The following TRAF3IP1 variants were observed in gnomAD, a reference collection of about 807,000 sequenced individuals.
TRAF3IP1 encodes TRAF3-interacting protein 1.
A neutral mutation model predicts 89.9 loss-of-function variants in TRAF3IP1; 53 were observed. That is an observed-to-expected ratio of 0.59 (90% CI 0.47 to 0.74). TRAF3IP1 has a LOEUF of 0.74. TRAF3IP1 is among the 30% of genes least tolerant of loss of function. The pLI, the probability that TRAF3IP1 is intolerant of heterozygous loss-of-function variation, is 0.00. For missense variants in TRAF3IP1, 806 were observed against 866.1 expected (o/e 0.93, Z 0.87); for synonymous variants, 311 against 322.1 (o/e 0.97, Z 0.37).
At chr2:238,361,126 A>C (rs986377614) in intron 15 of TRAF3IP1, among the ~76,000 whole-genome samples, 91 of 150,802 alleles carry the variant, frequency 6.0e-4, no homozygotes, top group Middle Eastern at 6.8e-3. Context: ...GGCTCACTGC[A>C]ACCTCTGCCT....
chr2:238,344,370 T>C (rs1211743341), intron 8 of TRAF3IP1, 127 bp from the exon 9 acceptor site: 4 of 743,074 alleles, frequency 5.4e-6, no homozygotes, highest in South Asian at 1.8e-5. Context: ...GGTCAGTCCT[T>C]TGTCAGTCCT....
chr2:238,364,046 A>G (rs962791978), intron 15 of TRAF3IP1, among the ~76,000 whole-genome samples: 6 of 152,254 alleles, frequency 3.9e-5, no homozygotes, highest in Admixed American at 3.9e-4. Flanking sequence ...ACATGTTATC[A>G]TAATAATTGC....
chr2:238,363,421 A>G (rs966537921), intron 15 of TRAF3IP1, among the ~76,000 whole-genome samples: 1 of 152,212 alleles, frequency 6.6e-6, no homozygotes, highest in Non-Finnish European at 1.5e-5. Context: ...CTTTGTTACA[A>G]TTTTAACATA....
At chr2:238,375,040 C>A (rs1377491294) in intron 15 of TRAF3IP1, among the ~76,000 whole-genome samples, 1 of 152,052 alleles carries the variant, frequency 6.6e-6, no homozygotes, top group Non-Finnish European at 1.5e-5. Flanking sequence ...ATTAGTCTTG[C>A]TAGCGGTCTA....
chr2:238,343,663 TTTTC>T (rs1698762018), intron 8 of TRAF3IP1, among the ~76,000 whole-genome samples: 2 of 149,546 alleles, frequency 1.3e-5, no homozygotes, highest in Admixed American at 1.3e-4. Flanking sequence ...TTTTTTTTTT[TTTTC>T]CCCGAGATAG....
rs1379206724 is a variant in TRAF3IP1 at position 238,320,700 on chromosome 2, TG to T, written c.42del (p.Val16Ter). ...GTGGTGAGGCGGACGCAGGAGGCGC[TG>T]GGGAAAGTGATTCGGAGGCCGCCGC... is the stretch of plus-strand genomic sequence containing the variant. ...AAVVRRTQEALGKVIRRPPLT... is the reference protein window; with the variant it reads ...AAVVRRTQEAXGKVIRRPPLT... On this transcript the variant is annotated frameshift_variant, in exon 1 of 17. Coordinates refer to ENST00000373327, the MANE Select transcript of TRAF3IP1 (RefSeq NM_015650.4). LOFTEE classifies it high-confidence loss of function. 3 of 1,432,458 alleles carry T rather than the reference TG, an allele frequency of 2.1e-6. No individual in the cohort carries two copies. Among genetic ancestry groups the T allele is most frequent in the East Asian group, 3.2e-5 (1 of 31,040 alleles). 88.7% of individuals were successfully genotyped at this position (1,432,458 alleles called of 1,614,324 possible).
intron 8 of TRAF3IP1, among the ~76,000 whole-genome samples, chr2:238,340,697 G>GC (rs1698599816): frequency 6.6e-6 from 1 of 151,954 alleles, no homozygotes; most frequent in Non-Finnish European, 1.5e-5. Flanking sequence ...TTCTCTAACT[G>GC]TTTCTATTGT....
chr2:238,362,693 G>A (rs1392976076), intron 15 of TRAF3IP1, among the ~76,000 whole-genome samples: 1 of 152,212 alleles, frequency 6.6e-6, no homozygotes, highest in East Asian at 1.9e-4. Flanking sequence ...TCTATTTTAG[G>A]CATCCATTTG....
intron 7 of TRAF3IP1, among the ~76,000 whole-genome samples, chr2:238,334,488 G>A (rs1332503197): frequency 6.6e-6 from 1 of 151,622 alleles, no homozygotes; most frequent in African/African-American, 2.4e-5. Context: ...TACAGGCCTG[G>A]CCTGCGGTCC....
At chr2:238,347,429 A>C in intron 9 of TRAF3IP1, 26 bp from the exon 10 acceptor site, 1 of 1,613,832 alleles carries the variant, frequency 6.2e-7, no homozygotes, top group East Asian at 2.2e-5. Flanking sequence ...CACGAAAGCT[A>C]ATTTTCTGAT....
intron 10 of TRAF3IP1, 137 bp downstream of exon 10, chr2:238,347,612 AC>A (rs1698953154): frequency 2.6e-6 from 2 of 782,726 alleles, no homozygotes; most frequent in Non-Finnish European, 4.2e-6. Flanking sequence ...GATCATAACT[AC>A]CCTAATGTAT....
intron 5 of TRAF3IP1, among the ~76,000 whole-genome samples, chr2:238,332,124 G>C (rs1452100248): frequency 6.6e-6 from 1 of 152,196 alleles, no homozygotes; most frequent in Non-Finnish European, 1.5e-5. Context: ...AATTACTGCT[G>C]ATACAATCTG....
At chr2:238,395,043 G>GT (rs773990028) in intron 15 of TRAF3IP1, among the ~76,000 whole-genome samples, 3 of 152,188 alleles carry the variant, frequency 2.0e-5, no homozygotes, top group Non-Finnish European at 4.4e-5. Flanking sequence ...TCTGGAGTGG[G>GT]TGGGGGGGTG....
chr2:238,363,569 T>C (rs537223393), intron 15 of TRAF3IP1, among the ~76,000 whole-genome samples: 60 of 152,302 alleles, frequency 3.9e-4, no homozygotes, highest in African/African-American at 1.4e-3. Context: ...GTGGTCAGTT[T>C]TGTGTTTCAA....
intron 15 of TRAF3IP1, among the ~76,000 whole-genome samples, chr2:238,383,181 C>T (rs532625219): frequency 6.6e-6 from 1 of 152,292 alleles, no homozygotes; most frequent in Non-Finnish European, 1.5e-5. Context: ...TGTAGGCTGC[C>T]CTCCAGGCAG....
At chr2:238,370,284 T>C (rs1700053554) in intron 15 of TRAF3IP1, among the ~76,000 whole-genome samples, 1 of 151,978 alleles carries the variant, frequency 6.6e-6, no homozygotes, top group Non-Finnish European at 1.5e-5. Context: ...TGTCTGTGTC[T>C]GTGTGTGCAT....
chr2:238,328,698 G>C lies in TRAF3IP1; in HGVS notation c.367G>C (p.Asp123His). The change falls in exon 4 of 17, where the codon GAT becomes CAT. Residue 123 changes from aspartate (D) to histidine (H), a missense_variant. Physicochemically the swap from Asp to His is moderately conservative, Grantham distance 81 (BLOSUM62 -1). Around this residue, in one of 3 missense-constraint regions of TRAF3IP1, gnomAD observed 732 missense variants for 780.5 expected, o/e 0.94. Coordinates refer to ENST00000373327, the MANE Select transcript of TRAF3IP1 (RefSeq NM_015650.4). ...TTTGGACGACAAGCTCTCTAGTGACGATGCGGTGCGGAGGGTTTTAGCTGG... is the reference window on the plus strand; with the variant it reads ...TTTGGACGACAAGCTCTCTAGTGACCATGCGGTGCGGAGGGTTTTAGCTGG... ...KCCLNKLSSDDAVRRVLAGEK... is the reference protein window; with the variant it reads ...KCCLNKLSSDHAVRRVLAGEK... 1 of 1,613,718 alleles carries C rather than the reference G, an allele frequency of 6.2e-7. No homozygotes were observed. The highest frequency in any genetic ancestry group is 1.1e-5 in the South Asian group (1 of 91,008).
intron 7 of TRAF3IP1, 38 bp downstream of exon 7, chr2:238,334,073 T>A: frequency 7.1e-7 from 1 of 1,407,378 alleles, no homozygotes; most frequent in South Asian, 1.3e-5. Context: ...AAAATATGGA[T>A]ATTAGTTTTT....
intron 15 of TRAF3IP1, among the ~76,000 whole-genome samples, chr2:238,382,902 A>AGG (rs147450689): frequency 0.038 from 5,712 of 152,114 alleles, 155 homozygotes; most frequent in Non-Finnish European, 0.059. Context: ...CCCAAGTTGG[A>AGG]AGCCACGTGT....
Sources: gnomAD v4.1 joint callset for allele counts (sites outside exome capture counted in the v4.1 genomes callset) on GRCh38, gnomAD v4.1.1 for gene constraint, gnomAD v4.1.1 regional missense constraint, MANE v1.5 for transcripts, NCBI Gene and HGNC (gene_info 2026-07-23, HGNC 2026-07-21) for gene names.